The following KCNQ1OT1 variants were observed in gnomAD, a reference collection of about 807,000 sequenced individuals.
KCNQ1OT1 encodes KCNQ1 opposite strand/antisense transcript 1, also known as KCNQ1 antisense RNA 2 (non-protein coding).
exon 1 of KCNQ1OT1, chr11:2,650,589 A>T: frequency 2.5e-6 from 1 of 398,666 alleles, no homozygotes; most frequent in Non-Finnish European, 4.4e-6. Context: ...TGTGAAGGCA[A>T]GAAGGCTCCT....
At chr11:2,684,898 A>T (rs1351273909) in exon 1 of KCNQ1OT1, 1 of 398,566 alleles carries the variant, frequency 2.5e-6, no homozygotes, top group African/African-American at 2.1e-5. Flanking sequence ...TCACTACATC[A>T]TAAGGTAGGT....
rs1015539160 is a variant in KCNQ1OT1, at chr11:2,652,961, C to T, written n.47034G>A. The T allele has an allele frequency of 7.5e-6, 3 of 398,512 alleles. No homozygotes were observed. Among genetic ancestry groups the T allele is most frequent in the Admixed American group, 4.4e-5 (1 of 22,714 alleles). The allele number at this position is 398,512 out of a possible 1,614,324, so 24.7% of individuals were successfully genotyped here. ...TCCTCCCTGGGACTTCTCAGGATTCCGGAAGTCATCTTTGACTGTGTCACA... is the reference window on the plus strand; with the variant it reads ...TCCTCCCTGGGACTTCTCAGGATTCTGGAAGTCATCTTTGACTGTGTCACA... On this transcript the variant is annotated non_coding_transcript_exon_variant, in exon 1 of 1. Coordinates refer to ENST00000597346, the Ensembl canonical transcript of KCNQ1OT1. This position sits in a 1 kb window ranked among gnomAD's most constrained non-coding sequence, Gnocchi z 5.9.
chr11:2,626,465 C>T lies in KCNQ1OT1; in HGVS notation n.73530G>A. On this transcript the variant is annotated non_coding_transcript_exon_variant, in exon 1 of 1. Coordinates refer to ENST00000597346, the Ensembl canonical transcript of KCNQ1OT1. This position sits in a 1 kb window ranked among gnomAD's most constrained non-coding sequence, Gnocchi z 4.0. ...TATTTTTGGGCTCTCTATTCAATTC[C>T]ATTGGTCTCTACATCTTTATGTCAA... The T allele has an allele frequency of 2.5e-6, 1 of 398,582 alleles. No homozygotes were observed. The highest frequency in any genetic ancestry group is 4.4e-6 in the Non-Finnish European group (1 of 226,068). The allele number at this position is 398,582 out of a possible 1,614,324, so 24.7% of individuals were successfully genotyped here. A position where few individuals can be genotyped will look rare whatever the true frequency, so the allele number is the denominator to read the frequency against.
exon 1 of KCNQ1OT1, chr11:2,625,039 A>C (rs1351949188): frequency 2.5e-6 from 1 of 398,520 alleles, no homozygotes; most frequent in African/African-American, 2.1e-5. Flanking sequence ...ATGCCACTAC[A>C]ATCGTGGGTA....
In KCNQ1OT1 at chr11:2,680,167, C is replaced by T. The variant is rs532834275; in HGVS notation, n.19828G>A. ...TCAGCCTCCTAAAGTGCTGGGATTA[C>T]GGGCGTGAGCCAATGCACCTGGCCT... On this transcript the variant is annotated non_coding_transcript_exon_variant, in exon 1 of 1. Transcript: ENST00000597346. 1.6e-4 allele frequency: 64 copies of T among 389,102 alleles called. No individual in the cohort carries two copies. The highest frequency in any genetic ancestry group is 2.6e-4 in the Non-Finnish European group (59 of 224,794). 24.1% of individuals were successfully genotyped at this position (389,102 alleles called of 1,614,324 possible).
At chr11:2,648,501 A>G (rs1323070277) in exon 1 of KCNQ1OT1, 2 of 398,300 alleles carry the variant, frequency 5.0e-6, no homozygotes, top group Non-Finnish European at 8.8e-6. Context: ...AGAATTTTTA[A>G]ATTTTTAAAA....
chr11:2,686,665 G>C (rs1850495080), exon 1 of KCNQ1OT1: 1 of 398,500 alleles, frequency 2.5e-6, no homozygotes, highest in South Asian at 1.3e-4. Context: ...GCTGGATCAA[G>C]TGTGGGTCCC....
Position 2,652,727 on chromosome 11 carries a change from CT to C in KCNQ1OT1, n.47267del. 1 of 398,934 alleles carries C rather than the reference CT, an allele frequency of 2.5e-6. No homozygotes were observed. The highest frequency in any genetic ancestry group is 4.4e-6 in the Non-Finnish European group (1 of 226,334). 24.7% of individuals were successfully genotyped at this position (398,934 alleles called of 1,614,324 possible). A position where few individuals can be genotyped will look rare whatever the true frequency, so the allele number is the denominator to read the frequency against. ...TTTCCGTTTCCTGGGCTCACTCACGCTCAGGGTTGACCCTGTCCTGGCTCTG... is the reference window on the plus strand; with the variant it reads ...TTTCCGTTTCCTGGGCTCACTCACGCCAGGGTTGACCCTGTCCTGGCTCTG... On this transcript the variant is annotated non_coding_transcript_exon_variant, in exon 1 of 1. Transcript: ENST00000597346. This position sits in a 1 kb window ranked among gnomAD's most constrained non-coding sequence, Gnocchi z 5.9.
rs980077173 is a variant in KCNQ1OT1, at chr11:2,624,683, C to T, written n.75312G>A. The T allele has an allele frequency of 5.0e-6, 2 of 398,430 alleles. No individual in the cohort carries two copies. Among genetic ancestry groups the T allele is most frequent in the Non-Finnish European group, 8.8e-6 (2 of 226,044 alleles). 24.7% of individuals were successfully genotyped at this position (398,430 alleles called of 1,614,324 possible). On this transcript the variant is annotated non_coding_transcript_exon_variant, in exon 1 of 1. Coordinates refer to ENST00000597346, the Ensembl canonical transcript of KCNQ1OT1. This position sits in a 1 kb window ranked among gnomAD's most constrained non-coding sequence, Gnocchi z 4.9. ...TGCAATCATCACTATCATCCATCTC[C>T]ATAACACTTGTCATTTGTAATTATG...
In KCNQ1OT1 at chr11:2,620,222, T is replaced by A. The variant is rs1286937119; in HGVS notation, n.79773A>T. 11 of 274,394 alleles carry A rather than the reference T, an allele frequency of 4.0e-5. No individual in the cohort carries two copies. The highest frequency in any genetic ancestry group is 4.6e-5 in the African/African-American group (2 of 43,742). The allele number at this position is 274,394 out of a possible 1,614,324, so 17.0% of individuals were successfully genotyped here. ...ATGTATATATATATATTTTTTTTTT[T>A]TATTTTTTTTTTAGACGGAGTTTCG... On this transcript the variant is annotated non_coding_transcript_exon_variant, in exon 1 of 1. Transcript: ENST00000597346. This position sits in a 1 kb window ranked among gnomAD's most constrained non-coding sequence, Gnocchi z 4.5.
chr11:2,669,730 C>T lies in KCNQ1OT1; in HGVS notation n.30265G>A, dbSNP rs959044303. On this transcript the variant is annotated non_coding_transcript_exon_variant, in exon 1 of 1. Transcript: ENST00000597346. The surrounding 1 kb of genome is among the most constrained non-coding windows in gnomAD (Gnocchi z 5.6). ...GCCACATACCTGACTCGGGGAAATG[C>T]CTGAAAATATTAGCCAGCATAGAAT... 7.5e-6 allele frequency: 3 copies of T among 398,502 alleles called. No homozygotes were observed. In the East Asian group the frequency reaches 1.1e-4, roughly 14 times the overall value. The allele number at this position is 398,502 out of a possible 1,614,324, so 24.7% of individuals were successfully genotyped here. A position where few individuals can be genotyped will look rare whatever the true frequency, so the allele number is the denominator to read the frequency against.
chr11:2,697,939 AAC>A (rs1387249819), exon 1 of KCNQ1OT1: 1 of 398,554 alleles, frequency 2.5e-6, no homozygotes, highest in Non-Finnish European at 4.4e-6. Context: ...CATGTTAGGA[AAC>A]ACATTAAAAT....
exon 1 of KCNQ1OT1, chr11:2,632,011 T>A (rs1402846296): frequency 7.6e-6 from 3 of 396,010 alleles, no homozygotes; most frequent in Non-Finnish European, 1.3e-5. Flanking sequence ...TGAAACCCCA[T>A]CTCTACTAAA....
exon 1 of KCNQ1OT1, chr11:2,625,612 T>A (rs1849249842): frequency 7.6e-6 from 3 of 396,774 alleles, no homozygotes; most frequent in Non-Finnish European, 1.3e-5. Context: ...AGTCTCACTC[T>A]GTTGCCCAAG....
chr11:2,632,713 A>G (rs1849380777), exon 1 of KCNQ1OT1: 1 of 398,400 alleles, frequency 2.5e-6, no homozygotes, highest in East Asian at 3.6e-5. Flanking sequence ...CATTTAACAT[A>G]TTATCCAAGT....
chr11:2,629,087 T>A (rs1002477334), exon 1 of KCNQ1OT1: 15 of 398,068 alleles, frequency 3.8e-5, no homozygotes, highest in Non-Finnish European at 5.3e-5. Context: ...TTTTGTAGTT[T>A]CTTTCAAATT....
chr11:2,654,543 C>T lies in KCNQ1OT1; in HGVS notation n.45452G>A, dbSNP rs1849808029. 2.5e-6 allele frequency: 1 copy of T among 398,634 alleles called. No individual in the cohort carries two copies. The highest frequency in any genetic ancestry group is 4.4e-6 in the Non-Finnish European group (1 of 226,196). The allele number at this position is 398,634 out of a possible 1,614,324, so 24.7% of individuals were successfully genotyped here. Reference sequence around the variant, plus strand: ...CTTGTGGAAGAGGGCTTGGGTTACACCTGGGAGATTAGGCCGGATTTTAAT... The same window carrying T: ...CTTGTGGAAGAGGGCTTGGGTTACATCTGGGAGATTAGGCCGGATTTTAAT... On this transcript the variant is annotated non_coding_transcript_exon_variant, in exon 1 of 1. Transcript: ENST00000597346. This position sits in a 1 kb window ranked among gnomAD's most constrained non-coding sequence, Gnocchi z 6.4.
rs1206994025 is a variant in KCNQ1OT1 at position 2,673,027 on chromosome 11, A to G, written n.26968T>C. ...GAATCAATGTGTTACTTGAACAAAT[A>G]TAGGGTCTAGGGCTGGCCAAAAGGG... On this transcript the variant is annotated non_coding_transcript_exon_variant, in exon 1 of 1. Coordinates refer to ENST00000597346, the Ensembl canonical transcript of KCNQ1OT1. This position sits in a 1 kb window ranked among gnomAD's most constrained non-coding sequence, Gnocchi z 4.5. 1.5e-5 allele frequency: 6 copies of G among 398,698 alleles called. No homozygotes were observed. Among genetic ancestry groups the G allele is most frequent in the African/African-American group, 6.2e-5 (3 of 48,762 alleles). 24.7% of individuals were successfully genotyped at this position (398,698 alleles called of 1,614,324 possible).
rs1207294777 is a variant in KCNQ1OT1 at position 2,620,602 on chromosome 11, T to A, written n.79393A>T. On this transcript the variant is annotated non_coding_transcript_exon_variant, in exon 1 of 1. Coordinates refer to ENST00000597346, the Ensembl canonical transcript of KCNQ1OT1. The surrounding 1 kb of genome is among the most constrained non-coding windows in gnomAD (Gnocchi z 4.5). ...ATCCAATCCACCACTGATGGGCATC[T>A]AAGTGGATTCCATGTCTTTGCTGTT... 1 of 397,588 alleles carries A rather than the reference T, an allele frequency of 2.5e-6. No homozygotes were observed. Among genetic ancestry groups the A allele is most frequent in the East Asian group, 3.6e-5 (1 of 28,066 alleles). 24.6% of individuals were successfully genotyped at this position (397,588 alleles called of 1,614,324 possible).
Sources: allele counts gnomAD v4.1 joint callset, GRCh38; gene constraint gnomAD v4.1.1; non-coding constraint Gnocchi (gnomAD v3.1); transcripts MANE v1.5; gene names NCBI Gene and HGNC (gene_info 2026-07-23, HGNC 2026-07-21).